Variants in RERG observed in about 807,000 individuals in gnomAD.
RERG encodes the protein ras-related and estrogen-regulated growth inhibitor.
A neutral mutation model predicts 23.2 loss-of-function variants in RERG; 25 were observed. The ratio of observed to expected loss-of-function variants is 1.08; its 90% CI spans 0.79 to 1.50. The LOEUF (loss-of-function observed/expected upper bound fraction) is 1.50. Ranked by LOEUF, RERG falls within the 40% of genes most tolerant of loss-of-function variation. RERG has a pLI of 0.00. For missense variants in RERG, 253 were observed against 250.1 expected (o/e 1.01, Z -0.08); for synonymous variants, 81 against 89.1 (o/e 0.91, Z 0.51).
At chr12:15,172,526 T>C (rs1336079967) in intron 2 of RERG, among the ~76,000 whole-genome samples, 1 of 152,154 alleles carries the variant, frequency 6.6e-6, no homozygotes, top group Non-Finnish European at 1.5e-5. Flanking sequence ...GGTAACTCCA[T>C]GTTTTACATT....
intron 2 of RERG, among the ~76,000 whole-genome samples, chr12:15,121,604 T>C (rs1863833032): frequency 6.6e-6 from 1 of 152,244 alleles, no homozygotes; most frequent in African/African-American, 2.4e-5. Flanking sequence ...AGGATTTTTA[T>C]TAGAGATCTG....
chr12:15,125,094 T>A (rs182571267), intron 2 of RERG, among the ~76,000 whole-genome samples: 1 of 152,020 alleles, frequency 6.6e-6, no homozygotes, highest in East Asian at 1.9e-4. Context: ...AAAAAATACA[T>A]AGTTACCTAT....
intron 2 of RERG, among the ~76,000 whole-genome samples, chr12:15,180,580 T>G (rs1864910111): frequency 6.6e-6 from 1 of 152,150 alleles, no homozygotes; most frequent in Admixed American, 6.5e-5. Flanking sequence ...ACAAATCTAA[T>G]ATATCATCCA....
intron 2 of RERG, among the ~76,000 whole-genome samples, chr12:15,196,788 GCTATTCTTAAGCATT>G (rs1268704933): frequency 6.6e-6 from 1 of 152,084 alleles, no homozygotes; most frequent in African/African-American, 2.4e-5. Flanking sequence ...GAGAGGAAAG[GCTATTCTTAAGCATT>G]CATAGCAGTT....
At position 15,108,390 on chromosome 12, in the gene RERG, G is replaced by A. The variant is rs1863537423; in HGVS notation, c.*720C>T. ...ACTTCCAATGTTTTTATATCACCCT[G>A]ACTTGATGAAAAAAGGCCCAGCAGG... On this transcript the variant is annotated 3_prime_UTR_variant, in exon 5 of 5. Coordinates refer to ENST00000256953, the MANE Select transcript of RERG (RefSeq NM_032918.3). The A allele has an allele frequency of 6.6e-6, 1 of 152,496 alleles. No homozygotes were observed. The highest frequency in any genetic ancestry group is 2.1e-4 in the South Asian group (1 of 4,826). The allele number at this position is 152,496 out of a possible 1,614,324, so 9.4% of individuals were successfully genotyped here.
At chr12:15,121,695 A>G (rs2136088803) in intron 2 of RERG, among the ~76,000 whole-genome samples, 1 of 152,276 alleles carries the variant, frequency 6.6e-6, no homozygotes, top group African/African-American at 2.4e-5. Context: ...TGCTTGCATG[A>G]TCTCCTCAAT....
At chr12:15,201,661 GTAA>G (rs997452790) in intron 2 of RERG, among the ~76,000 whole-genome samples, 19 of 148,752 alleles carry the variant, frequency 1.3e-4, no homozygotes, top group Non-Finnish European at 2.1e-4. Context: ...ATAATTATTA[GTAA>G]TAATAGTAAT....
intron 2 of RERG, among the ~76,000 whole-genome samples, chr12:15,177,767 G>A (rs187446504): frequency 2.7e-5 from 4 of 147,370 alleles, no homozygotes; most frequent in African/African-American, 5.0e-5. Context: ...AGTCTAAGAA[G>A]AATGTGAGGA....
At chr12:15,196,479 A>G (rs1865145906) in intron 2 of RERG, among the ~76,000 whole-genome samples, 1 of 152,138 alleles carries the variant, frequency 6.6e-6, no homozygotes, top group Non-Finnish European at 1.5e-5. Context: ...ACCTCAAGCT[A>G]GGGCTTCATA....
At chr12:15,118,129 A>C (rs887780584) in intron 3 of RERG, among the ~76,000 whole-genome samples, 1 of 152,180 alleles carries the variant, frequency 6.6e-6, no homozygotes, top group Non-Finnish European at 1.5e-5. Context: ...GCGTAGGTTT[A>C]GTTCCCCCTC....
intron 2 of RERG, among the ~76,000 whole-genome samples, chr12:15,127,542 C>G (rs552445209): frequency 6.6e-6 from 1 of 152,172 alleles, no homozygotes; most frequent in Non-Finnish European, 1.5e-5. Context: ...AGAGGAATTG[C>G]TACCCCTGAC....
Position 15,109,303 on chromosome 12 carries a change from A to C in RERG, c.407T>G (p.Leu136Arg), listed in dbSNP as rs1383369270. 1.9e-6 allele frequency: 3 copies of C among 1,614,042 alleles called. No individual in the cohort carries two copies. Among genetic ancestry groups the C allele is most frequent in the Non-Finnish European group, 2.5e-6 (3 of 1,180,036 alleles). ...AAAAGCACAAGCCAATTCTGTGGCC[A>C]GCTTCTCTCCTTCTTCTGTGCTAAC... ...RQVSTEEGEK[L>R]ATELACAFYE... is the part of the protein sequence containing the mutation. The change falls in exon 5 of 5, where the codon CTG becomes CGG. Residue 136 changes from leucine to arginine, a missense_variant. Physicochemically the swap from Leu to Arg is moderately radical, Grantham distance 102 (BLOSUM62 -2). Coordinates refer to ENST00000256953, the MANE Select transcript of RERG (RefSeq NM_032918.3).
chr12:15,207,926 T>C (rs1386070147), intron 2 of RERG, among the ~76,000 whole-genome samples: 1 of 152,106 alleles, frequency 6.6e-6, no homozygotes, highest in Non-Finnish European at 1.5e-5. Flanking sequence ...CAGGAAGAAC[T>C]GTTGGGATAA....
chr12:15,140,724 G>A (rs548806192), intron 2 of RERG, among the ~76,000 whole-genome samples: 23 of 151,560 alleles, frequency 1.5e-4, no homozygotes, highest in Middle Eastern at 6.8e-3. Flanking sequence ...AAAATATTTC[G>A]CTCCACTCTC....
chr12:15,196,596 C>T (rs1005412066), intron 2 of RERG, among the ~76,000 whole-genome samples: 1 of 152,156 alleles, frequency 6.6e-6, no homozygotes. Context: ...TCAACTCAAA[C>T]ACATGAATGA....
intron 2 of RERG, among the ~76,000 whole-genome samples, chr12:15,190,269 G>T (rs1303329233): frequency 6.6e-6 from 1 of 151,732 alleles, no homozygotes; most frequent in Non-Finnish European, 1.5e-5. Context: ...AATTGTCTTG[G>T]GCCACACACA....
chr12:15,146,228 G>A (rs1864330345), intron 2 of RERG, among the ~76,000 whole-genome samples: 1 of 151,998 alleles, frequency 6.6e-6, no homozygotes, highest in African/African-American at 2.4e-5. Flanking sequence ...AAAAATGAAG[G>A]AACTGAAACC....
At chr12:15,136,907 T>C (rs1162669583) in intron 2 of RERG, among the ~76,000 whole-genome samples, 3 of 151,974 alleles carry the variant, frequency 2.0e-5, no homozygotes, top group Non-Finnish European at 4.4e-5. Flanking sequence ...TAGATGTCAG[T>C]TATATCTAGT....
At chr12:15,163,441 T>G (rs530080208) in intron 2 of RERG, among the ~76,000 whole-genome samples, 1 of 152,128 alleles carries the variant, frequency 6.6e-6, no homozygotes, top group Non-Finnish European at 1.5e-5. Context: ...TTGGGTTACA[T>G]AGGGGAAGTG....
Sources: gnomAD v4.1 joint callset for allele counts (sites outside exome capture counted in the v4.1 genomes callset) on GRCh38, gnomAD v4.1.1 for gene constraint, MANE v1.5 for transcripts, NCBI Gene and HGNC (gene_info 2026-07-23, HGNC 2026-07-21) for gene names.